Variants in ZNRF3 observed in about 807,000 individuals in gnomAD.
ZNRF3 encodes zinc and ring finger 3, also known as E3 ubiquitin-protein ligase ZNRF3.
Under a neutral mutation model 72.5 loss-of-function variants are expected in ZNRF3, and 23 were observed. That is an observed-to-expected ratio of 0.32 (90% CI 0.23 to 0.45). ZNRF3 has a LOEUF of 0.45. Ranked by LOEUF, ZNRF3 falls within the 20% of genes least tolerant of loss-of-function variation. The pLI, the probability that ZNRF3 is intolerant of heterozygous loss-of-function variation, is 1.00. For missense variants in ZNRF3, 1,169 were observed against 1,272.1 expected, an observed-to-expected ratio of 0.92 and a Z score of 1.23; for synonymous variants, 610 against 545.3, an observed-to-expected ratio of 1.12 and a Z score of -1.65.
chr22:28,995,009 G>A (rs2036023532), intron 2 of ZNRF3, among the ~76,000 whole-genome samples: 1 of 152,188 alleles, frequency 6.6e-6, no homozygotes, highest in Non-Finnish European at 1.5e-5. Flanking sequence ...GCATCAGGAT[G>A]CCCTGGGGAA....
At chr22:29,004,702 G>T (rs960790904) in intron 2 of ZNRF3, among the ~76,000 whole-genome samples, 3 of 151,790 alleles carry the variant, frequency 2.0e-5, no homozygotes, top group Non-Finnish European at 4.4e-5. Flanking sequence ...GATCACCTTG[G>T]CAGGGCCTCA....
intron 1 of ZNRF3, among the ~76,000 whole-genome samples, chr22:28,943,536 G>A (rs367988881): frequency 2.6e-5 from 4 of 152,142 alleles, no homozygotes; most frequent in Admixed American, 2.6e-4. Context: ...TATGTGTGGC[G>A]GGGATATTAG....
At chr22:28,957,600 C>T (rs2035282896) in intron 1 of ZNRF3, among the ~76,000 whole-genome samples, 1 of 151,914 alleles carries the variant, frequency 6.6e-6, no homozygotes, top group Non-Finnish European at 1.5e-5. Context: ...CCACCATGTC[C>T]AGCTAATTTT....
At chr22:28,985,943 CCA>C (rs1475379074) in intron 1 of ZNRF3, among the ~76,000 whole-genome samples, 1 of 152,138 alleles carries the variant, frequency 6.6e-6, no homozygotes, top group Non-Finnish European at 1.5e-5. Context: ...CTTCTAGAGG[CCA>C]TCGTCATTTC....
At chr22:28,970,717 G>T (rs185571684) in intron 1 of ZNRF3, among the ~76,000 whole-genome samples, 1 of 152,204 alleles carries the variant, frequency 6.6e-6, no homozygotes, top group South Asian at 2.1e-4. Flanking sequence ...AGAACATAAT[G>T]CTGAATCAAA....
At chr22:28,910,954 C>T (rs373233910) in intron 1 of ZNRF3, among the ~76,000 whole-genome samples, 7 of 152,100 alleles carry the variant, frequency 4.6e-5, no homozygotes, top group African/African-American at 1.4e-4. Flanking sequence ...TAGAATGTGC[C>T]CATGGCAGGG....
rs1434054952 is a variant in ZNRF3 at position 29,050,118 on chromosome 22, C to T, written c.1937C>T (p.Pro646Leu). Reference protein sequence around the residue: ...VHSHGAGRGEPWPGPASPSGD... With the variant: ...VHSHGAGRGELWPGPASPSGD... Reference sequence around the variant, plus strand: ...AGTCATGGTGCTGGGCGGGGCGAGCCTTGGCCGGGCCCTGCCTCTCCCTCG... The same window carrying T: ...AGTCATGGTGCTGGGCGGGGCGAGCTTTGGCCGGGCCCTGCCTCTCCCTCG... Residue 646 changes from proline (P) to leucine (L), a missense_variant, in exon 8 of 9, where the codon CCT becomes CTT. Transcript: ENST00000544604. The T allele has an allele frequency of 6.2e-7, 1 of 1,607,070 alleles. No individual in the cohort carries two copies. Among genetic ancestry groups the T allele is most frequent in the South Asian group, 1.1e-5 (1 of 91,070 alleles).
intron 2 of ZNRF3, among the ~76,000 whole-genome samples, chr22:29,007,648 A>G (rs758132210): frequency 9.3e-5 from 14 of 151,102 alleles, no homozygotes; most frequent in Non-Finnish European, 1.6e-4. Context: ...AATCTCTCCT[A>G]TAGCTTTTAA....
intron 1 of ZNRF3, among the ~76,000 whole-genome samples, chr22:28,970,880 A>G (rs1436541717): frequency 6.6e-6 from 1 of 152,256 alleles, no homozygotes; most frequent in Non-Finnish European, 1.5e-5. Context: ...GAAATGGACT[A>G]TCAGGGAACA....
At chr22:29,044,971 T>G in intron 5 of ZNRF3, 81 bp downstream of exon 5, 1 of 988,732 alleles carries the variant, frequency 1.0e-6, no homozygotes, top group South Asian at 1.3e-5. Context: ...CGTCACCTTA[T>G]TTTTTGATGG....
At position 28,922,367 on chromosome 22, in the gene ZNRF3, C is replaced by A. The variant is rs562868927; in HGVS notation, c.300+38301C>A. ...CCTTCAAGATGAAAGTAAATAAATG[C>A]ATGTTATTTAAAATTTGCTGTTGTT... On this transcript the variant is annotated intron_variant, in intron 1 of 8. Coordinates refer to ENST00000544604, the MANE Select transcript of ZNRF3 (RefSeq NM_001206998.2). Among the ~76,000 whole-genome samples the A allele has an allele frequency of 1.7e-4, 26 of 152,208 alleles. No individual in the cohort carries two copies. The South Asian group carries it at 5.0e-3, about 29-fold the overall frequency.
chr22:28,972,259 A>G (rs1198347879), intron 1 of ZNRF3, among the ~76,000 whole-genome samples: 1 of 152,010 alleles, frequency 6.6e-6, no homozygotes, highest in Non-Finnish European at 1.5e-5. Context: ...GTACCTTTTA[A>G]CTCTCACTCC....
chr22:28,883,632 T>G lies in ZNRF3; in HGVS notation c.-135T>G. 1.1e-6 allele frequency: 1 copy of G among 881,898 alleles called. No homozygotes were observed. The highest frequency in any genetic ancestry group is 1.4e-6 in the Non-Finnish European group (1 of 735,154). The allele number at this position is 881,898 out of a possible 1,614,324, so 54.6% of individuals were successfully genotyped here. A position where few individuals can be genotyped will look rare whatever the true frequency, so the allele number is the denominator to read the frequency against. On this transcript the variant is annotated 5_prime_UTR_variant, in exon 1 of 9. Coordinates refer to ENST00000544604, the MANE Select transcript of ZNRF3 (RefSeq NM_001206998.2). The surrounding 1 kb of genome is among the most constrained non-coding windows in gnomAD (Gnocchi z 5.5). ...GGCGCGACGGCCGGGGGAGCCGAGC[T>G]GAGCCTGCGACCCACAAAGCCGCCG...
intron 1 of ZNRF3, among the ~76,000 whole-genome samples, chr22:28,968,704 C>T (rs115272443): frequency 0.012 from 1,759 of 152,236 alleles, 36 homozygotes; most frequent in African/African-American, 0.04. Flanking sequence ...AGTGAAACTC[C>T]GTCTCCAAAA....
intron 1 of ZNRF3, among the ~76,000 whole-genome samples, chr22:28,949,836 T>A (rs1249204505): frequency 6.6e-6 from 1 of 152,218 alleles, no homozygotes; most frequent in East Asian, 1.9e-4. Context: ...TGGTGTTCCG[T>A]GAAAAAAGTT....
chr22:29,008,788 A>G (rs143797940), intron 2 of ZNRF3, among the ~76,000 whole-genome samples: 1 of 152,356 alleles, frequency 6.6e-6, no homozygotes, highest in Non-Finnish European at 1.5e-5. Context: ...GAAGTTGGAC[A>G]TCTCGTACCA....
intron 1 of ZNRF3, among the ~76,000 whole-genome samples, chr22:28,975,133 C>G (rs1601619520): frequency 6.6e-6 from 1 of 152,006 alleles, no homozygotes; most frequent in African/African-American, 2.4e-5. Flanking sequence ...AAAGTTACTA[C>G]TTTGGCTGGG....
intron 1 of ZNRF3, among the ~76,000 whole-genome samples, chr22:28,912,342 G>A (rs953996616): frequency 3.3e-5 from 5 of 152,228 alleles, no homozygotes; most frequent in Non-Finnish European, 7.4e-5. Flanking sequence ...ATCTTAACCC[G>A]GCTTCTCATA....
intron 1 of ZNRF3, among the ~76,000 whole-genome samples, chr22:28,970,322 G>A (rs1435760094): frequency 6.6e-6 from 1 of 152,176 alleles, no homozygotes; most frequent in Non-Finnish European, 1.5e-5. Flanking sequence ...ATGAGATACT[G>A]CTACGTGCCA....
Sources: allele counts gnomAD v4.1 joint callset (sites outside exome capture counted in the v4.1 genomes callset), GRCh38; gene constraint gnomAD v4.1.1; non-coding constraint Gnocchi (gnomAD v3.1); transcripts MANE v1.5; gene names NCBI Gene and HGNC (gene_info 2026-07-23, HGNC 2026-07-21).